The following ZPBP variants were observed in gnomAD, a reference collection of about 807,000 sequenced individuals.
ZPBP encodes zona pellucida-binding protein 1.
Under a neutral mutation model 44.8 loss-of-function variants are expected in ZPBP, and 26 were observed. The observed-to-expected ratio is 0.58, with a 90% CI of 0.43 to 0.81. The LOEUF is 0.81. Ranked by LOEUF, ZPBP falls within the 30% of genes least tolerant of loss-of-function variation. The pLI is 0.00. For missense variants in ZPBP, 409 were observed against 434.0 expected (o/e 0.94, Z 0.51); for synonymous variants, 174 against 153.2 (o/e 1.14, Z -1.00).
At chr7:50,092,000 T>C (rs1051316826) in intron 1 of ZPBP, among the ~76,000 whole-genome samples, 3 of 152,220 alleles carry the variant, frequency 2.0e-5, no homozygotes, top group Non-Finnish European at 4.4e-5. Flanking sequence ...TCCTTACAGT[T>C]ACTGTAGAAA....
intron 4 of ZPBP, among the ~76,000 whole-genome samples, chr7:50,046,431 G>T (rs956255471): frequency 2.0e-5 from 3 of 147,878 alleles, no homozygotes; most frequent in African/African-American, 5.1e-5. Context: ...AATCTACAAG[G>T]AACTTAAACA....
chr7:50,028,061 G>A (rs1416158296), intron 5 of ZPBP, among the ~76,000 whole-genome samples: 1 of 151,534 alleles, frequency 6.6e-6, no homozygotes, highest in Non-Finnish European at 1.5e-5. Flanking sequence ...CTCATATCAT[G>A]AAGCTAGCAT....
chr7:50,060,589 C>T (rs1801193357), intron 3 of ZPBP, among the ~76,000 whole-genome samples: 1 of 152,108 alleles, frequency 6.6e-6, no homozygotes, highest in Non-Finnish European at 1.5e-5. Flanking sequence ...GAGAAACATA[C>T]ACCCTCTCCC....
chr7:50,069,422 T>C (rs2128840485), intron 3 of ZPBP, among the ~76,000 whole-genome samples: 2 of 152,302 alleles, frequency 1.3e-5, no homozygotes, highest in Admixed American at 1.3e-4. Context: ...GCTGCAAGCA[T>C]TTTACAATAA....
In ZPBP at chr7:50,005,291, G is replaced by C. The variant is rs559708437; in HGVS notation, c.783+12949C>G. Among the ~76,000 whole-genome samples, 88 of 152,040 alleles carry C rather than the reference G, an allele frequency of 5.8e-4. 4 individuals are homozygous for C. Among genetic ancestry groups the C allele is most frequent in the African/African-American group, 2.1e-3 (86 of 41,462 alleles). On this transcript the variant is annotated intron_variant, in intron 6 of 7. Transcript: ENST00000046087. ...GTCTACTTGGAATGAAAGGTCTCTA[G>C]AGAATAAATCAAAGTCTTATAAAAA...
chr7:49,966,702 AT>A lies in ZPBP; in HGVS notation c.961+16639del, dbSNP rs565613427. Among the ~76,000 whole-genome samples, 17 of 152,288 alleles carry A rather than the reference AT, an allele frequency of 1.1e-4. No individual in the cohort carries two copies. The South Asian group carries it at 3.5e-3, about 32-fold the overall frequency. ...TCCAACGAAAGCAATGCTAGACAGA[AT>A]TTTTTACCCAAAAGACACAAACAAT... is the stretch of plus-strand genomic sequence containing the variant. On this transcript the variant is annotated intron_variant, in intron 7 of 7. Transcript: ENST00000046087.
chr7:50,079,833 A>G (rs1802275960), intron 3 of ZPBP, among the ~76,000 whole-genome samples: 1 of 151,692 alleles, frequency 6.6e-6, no homozygotes, highest in South Asian at 2.1e-4. Flanking sequence ...AAAGCAGGAA[A>G]AGTCCCCACA....
At chr7:49,967,780 A>T (rs1401614732) in intron 7 of ZPBP, among the ~76,000 whole-genome samples, 1 of 152,152 alleles carries the variant, frequency 6.6e-6, no homozygotes, top group Non-Finnish European at 1.5e-5. Flanking sequence ...TCCTGACCTC[A>T]GGTGATCTGC....
chr7:50,071,959 T>C (rs533282514), intron 3 of ZPBP, among the ~76,000 whole-genome samples: 45 of 152,210 alleles, frequency 3.0e-4, no homozygotes, highest in Non-Finnish European at 5.9e-4. Context: ...GTGGTGGCTA[T>C]GGGGAAAAAC....
intron 6 of ZPBP, among the ~76,000 whole-genome samples, chr7:50,011,431 T>C (rs567395967): frequency 6.6e-6 from 1 of 152,236 alleles, no homozygotes; most frequent in African/African-American, 2.4e-5. Flanking sequence ...CAGACAACCA[T>C]GTTGCCCACA....
At chr7:50,041,263 C>CTG (rs1486278397) in intron 4 of ZPBP, among the ~76,000 whole-genome samples, 1 of 152,238 alleles carries the variant, frequency 6.6e-6, no homozygotes, top group Non-Finnish European at 1.5e-5. Context: ...TGCCTGCCAG[C>CTG]TCTAAAGACA....
intron 1 of ZPBP, chr7:49,915,649 CATT>C (rs1209294659): frequency 1.3e-5 from 2 of 151,872 alleles, no homozygotes; most frequent in Non-Finnish European, 2.9e-5. Flanking sequence ...AAACTAAATC[CATT>C]ATTTTAAATG....
chr7:49,840,857 C>T, the ZPBP span, among the ~76,000 whole-genome samples: 1 of 152,068 alleles, frequency 6.6e-6, no homozygotes. Flanking sequence ...TTTCTCTGAC[C>T]CCCGAGTCAG....
chr7:49,917,189 A>G (rs1424303716), intron 1 of ZPBP: 1 of 152,218 alleles, frequency 6.6e-6, no homozygotes, highest in East Asian at 1.9e-4. Flanking sequence ...ACAGAAATAT[A>G]GTAGCTTCCA....
chr7:49,989,884 A>G (rs1387254215), intron 6 of ZPBP, among the ~76,000 whole-genome samples: 1 of 152,194 alleles, frequency 6.6e-6, no homozygotes, highest in Non-Finnish European at 1.5e-5. Flanking sequence ...GAGCCAAACA[A>G]AGTCAAGACC....
chr7:49,903,811 T>C (rs753538622), intron 1 of ZPBP, among the ~76,000 whole-genome samples: 18 of 152,120 alleles, frequency 1.2e-4, no homozygotes, highest in Non-Finnish European at 2.4e-4. Flanking sequence ...GGAGGTTTAA[T>C]AGGCAGAAGA....
downstream of ZPBP, among the ~76,000 whole-genome samples, chr7:49,936,590 C>T (rs1426196982): frequency 6.6e-6 from 1 of 152,174 alleles, no homozygotes; most frequent in Non-Finnish European, 1.5e-5. Context: ...CAAAACAGTG[C>T]ATGCTGGAGA....
intron 2 of ZPBP, among the ~76,000 whole-genome samples, chr7:49,879,425 G>A (rs1791579500): frequency 6.6e-6 from 1 of 152,144 alleles, no homozygotes; most frequent in African/African-American, 2.4e-5. Context: ...TATCCGGAGA[G>A]GGTTTATATG....
At chr7:49,977,855 A>G (rs929556792) in intron 7 of ZPBP, among the ~76,000 whole-genome samples, 21 of 152,312 alleles carry the variant, frequency 1.4e-4, no homozygotes, top group African/African-American at 5.1e-4. Flanking sequence ...TAATACTCAG[A>G]TATCTCAAAC....
Sources: gnomAD v4.1 joint callset for allele counts (sites outside exome capture counted in the v4.1 genomes callset) on GRCh38, gnomAD v4.1.1 for gene constraint, MANE v1.5 for transcripts, NCBI Gene and HGNC (gene_info 2026-07-23, HGNC 2026-07-21) for gene names.